The following PAPSS1 variants were observed in gnomAD, a reference collection of about 807,000 sequenced individuals.
The protein encoded by PAPSS1 is bifunctional 3'-phosphoadenosine 5'-phosphosulfate synthase 1.
PAPSS1 carries 50 observed loss-of-function variants against 72.0 expected under a neutral mutation model. The ratio of observed to expected loss-of-function variants is 0.69; its 90% confidence interval spans 0.55 to 0.88. PAPSS1 has a LOEUF of 0.88. Among genes scored for constraint, PAPSS1 ranks in the 40% least tolerant of loss-of-function variants. PAPSS1 has a pLI of 0.00. For synonymous variants in PAPSS1, 261 were observed against 263.6 expected (o/e 0.99, Z 0.09); for missense variants, 657 against 782.2 (o/e 0.84, Z 1.91).
At chr4:107,662,970 T>G (rs1312364505) in intron 5 of PAPSS1, among the ~76,000 whole-genome samples, 3 of 152,216 alleles carry the variant, frequency 2.0e-5, no homozygotes, top group Non-Finnish European at 2.9e-5. Flanking sequence ...ATTAGCTTCT[T>G]CGATATGTAA....
At chr4:107,634,743 C>T (rs1726314617) in intron 10 of PAPSS1, among the ~76,000 whole-genome samples, 1 of 148,518 alleles carries the variant, frequency 6.7e-6, no homozygotes, top group East Asian at 2.0e-4. Context: ...TAAAAGATGT[C>T]TAAATTTTGC....
chr4:107,691,443 AC>A (rs1336846079), intron 3 of PAPSS1, among the ~76,000 whole-genome samples: 1 of 152,152 alleles, frequency 6.6e-6, no homozygotes, highest in Admixed American at 6.5e-5. Flanking sequence ...AACTCCAAAG[AC>A]CCTGCCTCTC....
intron 5 of PAPSS1, among the ~76,000 whole-genome samples, chr4:107,677,313 T>C (rs1003660531): frequency 7.9e-5 from 12 of 152,138 alleles, no homozygotes; most frequent in Non-Finnish European, 1.8e-4. Flanking sequence ...ATCCAGAATC[T>C]ATAAAGAACT....
intron 1 of PAPSS1, among the ~76,000 whole-genome samples, chr4:107,713,082 G>C (rs1251207486): frequency 1.3e-5 from 2 of 151,838 alleles, no homozygotes; most frequent in Non-Finnish European, 2.9e-5. Context: ...GAGTAGCTGG[G>C]ATTACAGGCA....
chr4:107,701,432 G>T, intron 1 of PAPSS1, 147 bp from the exon 2 acceptor site: 1 of 553,204 alleles, frequency 1.8e-6, no homozygotes, highest in Admixed American at 3.1e-5. Context: ...TAGAGTACTG[G>T]CATGGTGTTT....
At chr4:107,654,053 A>G (rs1468957027) in intron 8 of PAPSS1, among the ~76,000 whole-genome samples, 1 of 152,134 alleles carries the variant, frequency 6.6e-6, no homozygotes, top group African/African-American at 2.4e-5. Context: ...AATTTCTTAC[A>G]ATTTTACTAC....
intron 5 of PAPSS1, among the ~76,000 whole-genome samples, chr4:107,678,948 G>A (rs574582913): frequency 6.6e-6 from 1 of 152,106 alleles, no homozygotes; most frequent in South Asian, 2.1e-4. Context: ...AGGAGATGAA[G>A]GAAACCCTTT....
At chr4:107,632,318 G>A (rs939764298) in intron 10 of PAPSS1, among the ~76,000 whole-genome samples, 4 of 151,872 alleles carry the variant, frequency 2.6e-5, no homozygotes, top group African/African-American at 9.7e-5. Flanking sequence ...TAATTAGGGT[G>A]TGCTCACTGT....
At chr4:107,671,852 G>T (rs1727477975) in intron 5 of PAPSS1, among the ~76,000 whole-genome samples, 1 of 151,938 alleles carries the variant, frequency 6.6e-6, no homozygotes, top group Admixed American at 6.6e-5. Context: ...CTTTTTCATT[G>T]TTGTATTAAT....
chr4:107,636,197 G>A (rs1280769261), intron 10 of PAPSS1, among the ~76,000 whole-genome samples: 3 of 152,278 alleles, frequency 2.0e-5, no homozygotes, highest in South Asian at 4.1e-4. Context: ...ATTACGGGTT[G>A]TCAAAAGACA....
chr4:107,709,049 C>T (rs529245548), intron 1 of PAPSS1, among the ~76,000 whole-genome samples: 270 of 152,334 alleles, frequency 1.8e-3, no homozygotes, highest in Non-Finnish European at 3.3e-3. Flanking sequence ...GTCCATAAAT[C>T]TTCTACCATG....
chr4:107,681,425 A>G (rs555484934), intron 5 of PAPSS1, among the ~76,000 whole-genome samples: 2 of 152,288 alleles, frequency 1.3e-5, no homozygotes, highest in African/African-American at 4.8e-5. Context: ...CAAGGGAAAG[A>G]AAACTTCTAA....
intron 5 of PAPSS1, among the ~76,000 whole-genome samples, chr4:107,678,118 A>G (rs954121276): frequency 6.6e-6 from 1 of 152,090 alleles, no homozygotes; most frequent in Non-Finnish European, 1.5e-5. Context: ...GCACACCAAC[A>G]TGGCACATGT....
intron 9 of PAPSS1, among the ~76,000 whole-genome samples, chr4:107,651,667 G>C (rs2672488): frequency 0.15 from 23,240 of 151,962 alleles, 3,212 homozygotes; most frequent in African/African-American, 0.37. Flanking sequence ...TTACTGTCAC[G>C]AGAATAGCAT....
At position 107,709,089 on chromosome 4, in the gene PAPSS1, TGGCTCAGGA is replaced by T. The variant is rs1723421238; in HGVS notation, c.61-7813_61-7805del. Among the ~76,000 whole-genome samples the T allele has an allele frequency of 2.0e-5, 3 of 152,244 alleles. No individual in the cohort carries two copies. The South Asian group carries it at 6.2e-4, about 31-fold the overall frequency. On this transcript the variant is annotated intron_variant, in intron 1 of 11. Transcript: ENST00000265174. ...TGCACTGGAGCCTCTGAGCCTACTC[TGGCTCAGGA>T]GGCTGCCTGATTCACGAATTGTTCT...
At position 107,613,712 on chromosome 4, in the gene PAPSS1, A is replaced by G. The variant is rs938431662; in HGVS notation, c.*537T>C. The G allele has an allele frequency of 6.6e-6, 1 of 152,212 alleles. No homozygotes were observed. The highest frequency in any genetic ancestry group is 1.5e-5 in the Non-Finnish European group (1 of 68,054). The allele number at this position is 152,212 out of a possible 1,614,324, so 9.4% of individuals were successfully genotyped here. A position where few individuals can be genotyped will look rare whatever the true frequency, so the allele number is the denominator to read the frequency against. ...TTATTGAGTAAAGAAGTTCATTCAG[A>G]GCTTACACAGATCATAAGAATACTT... is the stretch of plus-strand genomic sequence containing the variant. On this transcript the variant is annotated 3_prime_UTR_variant, in exon 12 of 12. Coordinates refer to ENST00000265174, the MANE Select transcript of PAPSS1 (RefSeq NM_005443.5).
Position 107,693,981 on chromosome 4 carries a change from A to G in PAPSS1, c.201T>C (p.Thr67=), listed in dbSNP as rs778499632. The G allele has an allele frequency of 1.2e-6, 2 of 1,613,204 alleles. No homozygotes were observed. The highest frequency in any genetic ancestry group is 1.7e-6 in the Non-Finnish European group (2 of 1,179,552). The change falls in exon 3 of 12, where the codon ACT becomes ACC. Residue 67 remains threonine, a synonymous_variant. Coordinates refer to ENST00000265174, the MANE Select transcript of PAPSS1 (RefSeq NM_005443.5). ...GGTACTCCTCCAAGGCCATGCTCAC[A>G]GTAGTCTTTCCCGCTCCAGACAAGC... The part of the protein sequence containing the change: ...LTGLSGAGKT[T]VSMALEEYLV...
intron 1 of PAPSS1, chr4:107,718,212 G>T (rs534883006): frequency 1.3e-5 from 2 of 152,222 alleles, no homozygotes; most frequent in East Asian, 3.9e-4. Context: ...TTCCATGAGG[G>T]AGAGAAAAAT....
chr4:107,643,489 T>C (rs1208977921), intron 10 of PAPSS1, among the ~76,000 whole-genome samples: 2 of 152,200 alleles, frequency 1.3e-5, no homozygotes, highest in African/African-American at 2.4e-5. Context: ...TCCCTCTCTA[T>C]AGAATCCTGC....
Sources: allele counts gnomAD v4.1 joint callset (sites outside exome capture counted in the v4.1 genomes callset), GRCh38; gene constraint gnomAD v4.1.1; transcripts MANE v1.5; gene names NCBI Gene and HGNC (gene_info 2026-07-23, HGNC 2026-07-21).